Variants in TBCD observed in about 807,000 individuals in gnomAD.
TBCD encodes tubulin-specific chaperone D.
In TBCD, 105 loss-of-function variants were observed where a neutral mutation model predicts 169.3. The observed-to-expected ratio is 0.62, with a 90% confidence interval of 0.53 to 0.73. The LOEUF (loss-of-function observed/expected upper bound fraction) is 0.73. Ranked by LOEUF, TBCD falls within the 30% of genes least tolerant of loss-of-function variation. TBCD has a pLI of 0.00. For synonymous variants in TBCD, 700 were observed against 643.9 expected (o/e 1.09, Z -1.32); for missense variants, 1,444 against 1,600.1 (o/e 0.90, Z 1.66).
At chr17:82,851,372 C>T (rs1268534211) in intron 13 of TBCD, among the ~76,000 whole-genome samples, 6 of 152,196 alleles carry the variant, frequency 3.9e-5, no homozygotes, top group Admixed American at 6.5e-5. Context: ...ACAGGTGTGA[C>T]GAAATTGTGG....
rs369599767 is a variant in TBCD, at chr17:82,933,422, G to A, written c.3191+687G>A. On this transcript the variant is annotated intron_variant, in intron 34 of 38. Coordinates refer to ENST00000355528, the MANE Select transcript of TBCD (RefSeq NM_005993.5). Reference sequence around the variant, plus strand: ...CGCTGTAGTCTAATGTACGGCTAATGTTTGTATTTTTAGTAGAGACAGGAT... The same window carrying A: ...CGCTGTAGTCTAATGTACGGCTAATATTTGTATTTTTAGTAGAGACAGGAT... Among the ~76,000 whole-genome samples, 7 of 151,812 alleles carry A rather than the reference G, an allele frequency of 4.6e-5. No individual in the cohort carries two copies. In the East Asian group the frequency reaches 1.2e-3, roughly 25 times the overall value.
At chr17:82,820,685 C>T (rs553600573) in intron 13 of TBCD, among the ~76,000 whole-genome samples, 1 of 151,928 alleles carries the variant, frequency 6.6e-6, no homozygotes, top group African/African-American at 2.4e-5. Flanking sequence ...TATGTTAATA[C>T]ACATGTTGGT....
At chr17:82,897,722 C>T (rs187534320) in intron 17 of TBCD, among the ~76,000 whole-genome samples, 124 of 152,328 alleles carry the variant, frequency 8.1e-4, no homozygotes, top group African/African-American at 2.7e-3. Flanking sequence ...GACCTCCTGT[C>T]GCTGGGGCTC....
intron 26 of TBCD, 89 bp from the exon 27 acceptor site, chr17:82,924,850 G>C: frequency 9.3e-7 from 1 of 1,070,802 alleles, no homozygotes; most frequent in East Asian, 2.7e-5. Flanking sequence ...GTTCACTGTG[G>C]CTTTGCTCCT....
rs1266120501 is a variant in TBCD, at chr17:82,944,990, A to C, written c.*2527A>C. ...CCTGTATGATCCCCAAAACTCCTAA[A>C]GTGGAAAATTTGATTGACTTGGCCC... On this transcript the variant is annotated 3_prime_UTR_variant, in exon 39 of 39. Coordinates refer to ENST00000355528, the MANE Select transcript of TBCD (RefSeq NM_005993.5). 1.3e-5 allele frequency: 2 copies of C among 152,232 alleles called. No homozygotes were observed. The highest frequency in any genetic ancestry group is 2.9e-5 in the Non-Finnish European group (2 of 68,046). The allele number at this position is 152,232 out of a possible 1,614,324, so 9.4% of individuals were successfully genotyped here. A position where few individuals can be genotyped will look rare whatever the true frequency, so the allele number is the denominator to read the frequency against.
intron 33 of TBCD, among the ~76,000 whole-genome samples, chr17:82,931,202 C>T (rs544688976): frequency 3.6e-4 from 55 of 152,384 alleles, no homozygotes; most frequent in African/African-American, 1.2e-3. Flanking sequence ...GGTGTCCCCT[C>T]GGGCGGGGCC....
chr17:82,884,137 T>C lies in TBCD; in HGVS notation c.1476-8T>C. The C allele has an allele frequency of 1.2e-6, 2 of 1,605,346 alleles. No homozygotes were observed. Among genetic ancestry groups the C allele is most frequent in the Non-Finnish European group, 1.7e-6 (2 of 1,175,268 alleles). On this transcript the variant is annotated splice_polypyrimidine_tract_variant and splice_region_variant and intron_variant, in intron 14 of 38. Transcript: ENST00000355528. This position sits in a 1 kb window ranked among gnomAD's most constrained non-coding sequence, Gnocchi z 4.2. ...TTCTTTTTAATTAATCCTTTCTCTT[T>C]TTCACAGTGCACTGGTGATTGCTGC... is the stretch of plus-strand genomic sequence containing the variant.
chr17:82,938,273 G>T, intron 36 of TBCD, 137 bp downstream of exon 36: 1 of 972,956 alleles, frequency 1.0e-6, no homozygotes, highest in Non-Finnish European at 1.6e-6. Context: ...GGGTGACGAC[G>T]CGTCACAGGC....
chr17:82,927,762 G>T (rs945839995), intron 29 of TBCD, 143 bp from the exon 30 acceptor site: 1 of 697,948 alleles, frequency 1.4e-6, no homozygotes, highest in East Asian at 2.7e-5. Flanking sequence ...TGCAGGCCCC[G>T]TGACTCCCTG....
intron 34 of TBCD, among the ~76,000 whole-genome samples, chr17:82,935,610 G>A (rs1024412740): frequency 3.3e-5 from 5 of 152,070 alleles, no homozygotes; most frequent in Non-Finnish European, 4.4e-5. Flanking sequence ...ATGACACCAC[G>A]TATTCTTAGC....
At chr17:82,867,068 G>A (rs1368460629) in intron 13 of TBCD, among the ~76,000 whole-genome samples, 1 of 152,216 alleles carries the variant, frequency 6.6e-6, no homozygotes, top group African/African-American at 2.4e-5. Context: ...CTACGATGGT[G>A]CTAAAGAGAA....
At chr17:82,781,468 C>G in intron 6 of TBCD, 121 bp from the exon 7 acceptor site, 1 of 1,292,040 alleles carries the variant, frequency 7.7e-7, no homozygotes, top group South Asian at 1.4e-5. Flanking sequence ...GAGCTGGCAT[C>G]TTGGTGTAAG....
rs1044488231 is a variant in TBCD at position 82,930,195 on chromosome 17, C to T, written c.2992-327C>T. On this transcript the variant is annotated intron_variant, in intron 32 of 38. Coordinates refer to ENST00000355528, the MANE Select transcript of TBCD (RefSeq NM_005993.5). The surrounding 1 kb of genome is among the most constrained non-coding windows in gnomAD (Gnocchi z 5.2). ...CGAGACATTCTGCACTCGGGAATTG[C>T]GGGGATTATCAAATCCCGCTTCAGT... 2.2e-5 allele frequency: 8 copies of T among 356,742 alleles called. No homozygotes were observed. Among genetic ancestry groups the T allele is most frequent in the African/African-American group, 6.4e-5 (3 of 47,080 alleles). The allele number at this position is 356,742 out of a possible 1,614,324, so 22.1% of individuals were successfully genotyped here.
At chr17:82,918,040 G>A (rs1211985810) in intron 23 of TBCD, among the ~76,000 whole-genome samples, 7 of 152,186 alleles carry the variant, frequency 4.6e-5, no homozygotes, top group African/African-American at 1.4e-4. Flanking sequence ...TCTTCATTTC[G>A]AAATAATTAT....
intron 12 of TBCD, among the ~76,000 whole-genome samples, chr17:82,812,563 T>C (rs2051528602): frequency 6.6e-6 from 1 of 152,202 alleles, no homozygotes. Context: ...GTTTTGTTTT[T>C]GAGATGGAGT....
intron 12 of TBCD, among the ~76,000 whole-genome samples, chr17:82,811,949 G>T (rs2051470756): frequency 6.6e-6 from 1 of 152,166 alleles, no homozygotes; most frequent in African/African-American, 2.4e-5. Flanking sequence ...CCTTTCCTGG[G>T]CTGGGTTATG....
At chr17:82,804,521 C>T (rs970685154) in intron 9 of TBCD, among the ~76,000 whole-genome samples, 4 of 152,232 alleles carry the variant, frequency 2.6e-5, no homozygotes, top group South Asian at 2.1e-4. Flanking sequence ...TGGCCACTGC[C>T]GTCTCAAGGC....
In TBCD at chr17:82,847,356, G is replaced by GGA. The variant is rs1236836895; in HGVS notation, c.1319-22868_1319-22867insGA. 2.2e-3 allele frequency among the ~76,000 whole-genome samples: 176 copies of GGA among 81,746 alleles called. 1 individual carries two copies. The highest frequency in any genetic ancestry group is 7.4e-3 in the African/African-American group (161 of 21,694). The allele number at this position is 81,746 out of a possible 152,430, so 53.6% of individuals were successfully genotyped here. On this transcript the variant is annotated intron_variant, in intron 13 of 38. Transcript: ENST00000355528. ...CAACAGAGCGAGACTCCATGTCAAAGAAAAAAAAAAAAAAAAAAAAAAAGA... is the reference window on the plus strand; with the variant it reads ...CAACAGAGCGAGACTCCATGTCAAAGGAAAAAAAAAAAAAAAAAAAAAAAAGA...
At position 82,820,041 on chromosome 17, in the gene TBCD, C is replaced by T. The variant is rs573161881; in HGVS notation, c.1318+5107C>T. Among the ~76,000 whole-genome samples, 14 of 151,722 alleles carry T rather than the reference C, an allele frequency of 9.2e-5. No individual in the cohort carries two copies. In the East Asian group the frequency reaches 2.7e-3, roughly 29 times the overall value. On this transcript the variant is annotated intron_variant, in intron 13 of 38. Transcript: ENST00000355528. Reference sequence around the variant, plus strand: ...TTGCCCAGGCTGGAGTGCAGTGGCGCCCTCTTGGCTCACTGCCAGCTCCAT... The same window carrying T: ...TTGCCCAGGCTGGAGTGCAGTGGCGTCCTCTTGGCTCACTGCCAGCTCCAT...
Sources: gnomAD v4.1 joint callset for allele counts (sites outside exome capture counted in the v4.1 genomes callset) on GRCh38, gnomAD v4.1.1 for gene constraint, Gnocchi (gnomAD v3.1) non-coding constraint, MANE v1.5 for transcripts, NCBI Gene and HGNC (gene_info 2026-07-23, HGNC 2026-07-21) for gene names.